Variants in STK39 observed in about 807,000 individuals in gnomAD.
STK39 encodes the protein serine/threonine kinase 39.
STK39 carries 20 observed loss-of-function variants against 77.8 expected under a neutral mutation model. The ratio of observed to expected loss-of-function variants is 0.26; its 90% CI spans 0.18 to 0.37. The LOEUF (loss-of-function observed/expected upper bound fraction) is 0.37, where lower values mean the gene tolerates loss of function less well. STK39 is among the 10% of genes least tolerant of loss of function. The probability of loss-of-function intolerance (pLI) is 1.00; values close to 1 mark genes in which losing one functional copy is unlikely to be tolerated. For missense variants in STK39, 479 were observed against 656.5 expected, an observed-to-expected ratio of 0.73 and a Z score of 2.95; for synonymous variants, 246 against 234.1, an observed-to-expected ratio of 1.05 and a Z score of -0.47.
intron 1 of STK39, among the ~76,000 whole-genome samples, chr2:168,235,434 G>A (rs1007705614): frequency 6.3e-5 from 9 of 142,310 alleles, no homozygotes; most frequent in South Asian, 2.2e-4. Flanking sequence ...GCAGAATCAC[G>A]AGCCTGGGAT....
At chr2:168,150,983 C>T (rs6759822) in intron 5 of STK39, among the ~76,000 whole-genome samples, 38,480 of 151,856 alleles carry the variant, frequency 0.25, 7,007 homozygotes, top group African/African-American at 0.5. Context: ...CTATTTATTC[C>T]TTCTTGAAAG....
At chr2:168,118,781 G>A (rs1219128986) in intron 10 of STK39, among the ~76,000 whole-genome samples, 1 of 152,090 alleles carries the variant, frequency 6.6e-6, no homozygotes, top group Non-Finnish European at 1.5e-5. Flanking sequence ...CGGCTGCAAG[G>A]CTTTTTACAG....
chr2:168,056,740 C>A (rs1409945275), intron 14 of STK39, among the ~76,000 whole-genome samples: 1 of 152,066 alleles, frequency 6.6e-6, no homozygotes, highest in Admixed American at 6.5e-5. Flanking sequence ...TCACATATAT[C>A]AGAGTCTTGA....
chr2:168,012,801 C>A, intron 15 of STK39, 99 bp from the exon 16 acceptor site: 1 of 968,434 alleles, frequency 1.0e-6, no homozygotes. Flanking sequence ...CTAAAATCGC[C>A]CATGAGTTTT....
intron 1 of STK39, among the ~76,000 whole-genome samples, chr2:168,199,773 A>G (rs1689567655): frequency 6.6e-6 from 1 of 152,188 alleles, no homozygotes; most frequent in South Asian, 2.1e-4. Context: ...TCGGCCTCCC[A>G]AAGTGCTGGG....
intron 14 of STK39, among the ~76,000 whole-genome samples, chr2:168,018,325 C>A (rs994457555): frequency 6.6e-6 from 1 of 151,870 alleles, no homozygotes; most frequent in African/African-American, 2.4e-5. Context: ...CATGGTGAAA[C>A]CCCATCTCTA....
At chr2:168,006,813 C>T (rs1030201426) in intron 16 of STK39, among the ~76,000 whole-genome samples, 2 of 152,222 alleles carry the variant, frequency 1.3e-5, no homozygotes. Flanking sequence ...TGATTTCAGT[C>T]TACAAACAGC....
chr2:168,008,384 C>T (rs1684185417), intron 16 of STK39, among the ~76,000 whole-genome samples: 1 of 152,150 alleles, frequency 6.6e-6, no homozygotes, highest in African/African-American at 2.4e-5. Context: ...GGACAATGCC[C>T]AGGGTTTTGG....
intron 1 of STK39, among the ~76,000 whole-genome samples, chr2:168,217,132 C>G (rs1339690341): frequency 6.6e-6 from 1 of 152,212 alleles, no homozygotes; most frequent in East Asian, 1.9e-4. Context: ...CTCTGCAGCT[C>G]TACCTGTGTC....
chr2:167,982,516 G>A (rs1683446737), intron 16 of STK39, among the ~76,000 whole-genome samples: 1 of 152,208 alleles, frequency 6.6e-6, no homozygotes, highest in Non-Finnish European at 1.5e-5. Flanking sequence ...CAGGAGGTAT[G>A]TTTATATCAC....
chr2:168,180,084 C>G (rs1475321836), intron 2 of STK39, among the ~76,000 whole-genome samples: 1 of 152,156 alleles, frequency 6.6e-6, no homozygotes, highest in Non-Finnish European at 1.5e-5. Flanking sequence ...CGGTGGCTCA[C>G]ATCTGTAATC....
At chr2:168,002,614 A>C (rs1490430559) in intron 16 of STK39, among the ~76,000 whole-genome samples, 1 of 152,122 alleles carries the variant, frequency 6.6e-6, no homozygotes, top group African/African-American at 2.4e-5. Context: ...TCCTCCGCTT[A>C]ATTCCTCTGA....
At chr2:168,169,533 T>C (rs557291564) in intron 2 of STK39, among the ~76,000 whole-genome samples, 1 of 152,254 alleles carries the variant, frequency 6.6e-6, no homozygotes, top group African/African-American at 2.4e-5. Flanking sequence ...AAGGCAAGGT[T>C]GAGTCAGTCT....
chr2:168,108,766 A>G (rs1005458369), intron 10 of STK39, among the ~76,000 whole-genome samples: 2 of 152,160 alleles, frequency 1.3e-5, no homozygotes, highest in Non-Finnish European at 2.9e-5. Flanking sequence ...TCATCTTGCC[A>G]ACACCTCATT....
chr2:168,147,836 C>T (rs923391714), intron 5 of STK39, among the ~76,000 whole-genome samples: 2 of 152,114 alleles, frequency 1.3e-5, no homozygotes, highest in East Asian at 1.9e-4. Context: ...CCCTTTCACC[C>T]GATTTTCTTG....
At chr2:168,239,577 A>T (rs1690706878) in intron 1 of STK39, among the ~76,000 whole-genome samples, 1 of 152,238 alleles carries the variant, frequency 6.6e-6, no homozygotes, top group Non-Finnish European at 1.5e-5. Flanking sequence ...ATCATTAACC[A>T]CGGGCAAGAT....
intron 10 of STK39, among the ~76,000 whole-genome samples, chr2:168,111,792 G>T (rs535416496): frequency 6.6e-6 from 1 of 152,234 alleles, no homozygotes; most frequent in South Asian, 2.1e-4. Context: ...GCTTAAATGT[G>T]ATATGCAATG....
intron 1 of STK39, among the ~76,000 whole-genome samples, chr2:168,235,510 A>C (rs1471892063): frequency 6.6e-6 from 1 of 151,622 alleles, no homozygotes; most frequent in East Asian, 1.9e-4. Context: ...TGCAGGTTAC[A>C]TATGTATACA....
rs144726816 is a variant in STK39 at position 168,070,641 on chromosome 2, T to A, written c.1242+4341A>T. Among the ~76,000 whole-genome samples the A allele has an allele frequency of 5.3e-3, 721 of 137,252 alleles. 5 individuals carry two copies. Among genetic ancestry groups the A allele is most frequent in the African/African-American group, 0.019 (683 of 36,744 alleles). 90.0% of individuals were successfully genotyped at this position (137,252 alleles called of 152,430 possible). ...CCCCAGTGTGTGATGTTCCCCATCC[T>A]GTGTCCAAGTGTTCTCATTGTTCAA... On this transcript the variant is annotated intron_variant, in intron 12 of 17. Coordinates refer to ENST00000355999, the MANE Select transcript of STK39 (RefSeq NM_013233.3).
Sources: gnomAD v4.1 joint callset for allele counts (sites outside exome capture counted in the v4.1 genomes callset) on GRCh38, gnomAD v4.1.1 for gene constraint, MANE v1.5 for transcripts, NCBI Gene and HGNC (gene_info 2026-07-23, HGNC 2026-07-21) for gene names.